CD38: variants seen among roughly 807,000 people sequenced by gnomAD.
The protein encoded by CD38 is CD38 molecule, also known as ADP-ribosyl cyclase/cyclic ADP-ribose hydrolase 1.
A neutral mutation model predicts 36.3 loss-of-function variants in CD38; 31 were observed. The ratio of observed to expected loss-of-function variants is 0.85; its 90% CI spans 0.64 to 1.15. CD38 has a LOEUF of 1.15. CD38 is among the 50% of genes most tolerant of loss of function. The pLI, the probability that CD38 is intolerant of heterozygous loss-of-function variation, is 0.00. For missense variants in CD38, 380 were observed against 371.9 expected (o/e 1.02, Z -0.18); for synonymous variants, 131 against 135.2 (o/e 0.97, Z 0.22).
At chr4:15,816,408 A>G (rs1723594624) in intron 1 of CD38, 103 bp from the exon 2 acceptor site, 2 of 934,100 alleles carry the variant, frequency 2.1e-6, no homozygotes, top group African/African-American at 3.3e-5. Flanking sequence ...ACTACCTGGC[A>G]TATAATAGAT....
intron 2 of CD38, among the ~76,000 whole-genome samples, chr4:15,820,666 C>CATATATATTT (rs1397800046): frequency 2.6e-5 from 4 of 151,974 alleles, no homozygotes; most frequent in Non-Finnish European, 5.9e-5. Context: ...GTGCCCAATA[C>CATATATATTT]AGGAACACCG....
At chr4:15,826,432 T>G (rs1723846539) in intron 3 of CD38, among the ~76,000 whole-genome samples, 1 of 151,118 alleles carries the variant, frequency 6.6e-6, no homozygotes, top group African/African-American at 2.4e-5. Flanking sequence ...TGCTATTATG[T>G]CATTATTGTA....
intron 3 of CD38, among the ~76,000 whole-genome samples, chr4:15,829,248 A>G (rs1723913494): frequency 6.6e-6 from 1 of 152,088 alleles, no homozygotes; most frequent in Admixed American, 6.6e-5. Context: ...TGCATACATA[A>G]TAGGTGTATA....
chr4:15,820,238 A>G (rs1723703090), intron 2 of CD38, among the ~76,000 whole-genome samples: 1 of 152,220 alleles, frequency 6.6e-6, no homozygotes, highest in South Asian at 2.1e-4. Context: ...CACTACAGAA[A>G]CACACCGAAG....
chr4:15,798,550 G>C (rs1055356247), intron 1 of CD38, among the ~76,000 whole-genome samples: 1 of 152,212 alleles, frequency 6.6e-6, no homozygotes, highest in African/African-American at 2.4e-5. Flanking sequence ...GTGAGAATTT[G>C]ATATTTTGAA....
intron 1 of CD38, among the ~76,000 whole-genome samples, chr4:15,809,932 G>T (rs1024709926): frequency 6.6e-6 from 1 of 151,974 alleles, no homozygotes; most frequent in African/African-American, 2.4e-5. Flanking sequence ...AAATTGACTC[G>T]CACAACCAAG....
Position 15,851,310 on chromosome 4 carries a change from T to C in CD38, c.*2708T>C, listed in dbSNP as rs908276373. 6.6e-6 allele frequency: 1 copy of C among 152,210 alleles called. No individual in the cohort carries two copies. The highest frequency in any genetic ancestry group is 2.4e-5 in the African/African-American group (1 of 41,440). The allele number at this position is 152,210 out of a possible 1,614,324, so 9.4% of individuals were successfully genotyped here. ...ATAAATACCCCCTCACAATATATAT[T>C]ACTTTTCCTATAAGTGACTTCTCTA... On this transcript the variant is annotated 3_prime_UTR_variant, in exon 8 of 8. Coordinates refer to ENST00000226279, the MANE Select transcript of CD38 (RefSeq NM_001775.4).
chr4:15,806,706 A>C (rs1445573267), intron 1 of CD38, among the ~76,000 whole-genome samples: 1 of 152,116 alleles, frequency 6.6e-6, no homozygotes, highest in Non-Finnish European at 1.5e-5. Context: ...GGTGAGTGAG[A>C]GGTCTGGGAT....
intron 1 of CD38, among the ~76,000 whole-genome samples, chr4:15,801,950 A>G (rs891764562): frequency 5.3e-5 from 8 of 152,292 alleles, no homozygotes; most frequent in Non-Finnish European, 1.2e-4. Flanking sequence ...AGCCAGAGCA[A>G]TTAGGCAACA....
chr4:15,785,357 A>G (rs184678239), intron 1 of CD38, among the ~76,000 whole-genome samples: 26 of 152,268 alleles, frequency 1.7e-4, no homozygotes, highest in Admixed American at 1.4e-3. Context: ...GAAACAACAG[A>G]TATCAGGAGA....
intron 3 of CD38, chr4:15,826,063 TC>T (rs1274451188): frequency 6.6e-6 from 1 of 152,104 alleles, no homozygotes; most frequent in Non-Finnish European, 1.5e-5. Flanking sequence ...TATTATAGCT[TC>T]TTTGTCCCAG....
chr4:15,802,912 A>G (rs1227018088), intron 1 of CD38, among the ~76,000 whole-genome samples: 1 of 152,216 alleles, frequency 6.6e-6, no homozygotes, highest in Non-Finnish European at 1.5e-5. Context: ...ATATAATACT[A>G]TAGTAAAACA....
chr4:15,784,052 G>A (rs930802351), intron 1 of CD38, among the ~76,000 whole-genome samples: 11 of 152,188 alleles, frequency 7.2e-5, no homozygotes, highest in Admixed American at 5.9e-4. Flanking sequence ...ACCAACCTGG[G>A]AACAGAGCAA....
chr4:15,834,902 TAAA>T (rs765451203), intron 4 of CD38, among the ~76,000 whole-genome samples: 6 of 152,046 alleles, frequency 3.9e-5, no homozygotes, highest in Middle Eastern at 3.2e-3. Context: ...CTATTTTTTT[TAAA>T]AAAATTGATA....
chr4:15,809,545 G>T (rs766247949), intron 1 of CD38, among the ~76,000 whole-genome samples: 75 of 152,326 alleles, frequency 4.9e-4, no homozygotes, highest in South Asian at 1.2e-3. Context: ...GGGTCTGAAA[G>T]CAGGCACTGC....
chr4:15,807,996 A>C (rs1723380140), intron 1 of CD38, among the ~76,000 whole-genome samples: 1 of 152,158 alleles, frequency 6.6e-6, no homozygotes, highest in Admixed American at 6.5e-5. Flanking sequence ...TCTGGGCCTG[A>C]AAGCATATGT....
At chr4:15,815,204 GC>G (rs1452854969) in intron 1 of CD38, among the ~76,000 whole-genome samples, 1 of 152,142 alleles carries the variant, frequency 6.6e-6, no homozygotes, top group Non-Finnish European at 1.5e-5. Flanking sequence ...GTAACGTGAT[GC>G]CTCCAACTTC....
chr4:15,791,060 C>T (rs1577636196), intron 1 of CD38, among the ~76,000 whole-genome samples: 1 of 134,778 alleles, frequency 7.4e-6, no homozygotes, highest in Non-Finnish European at 1.6e-5. Flanking sequence ...GGGGTCAGCC[C>T]CCCGCCCGGC....
chr4:15,807,397 C>A (rs375967617), intron 1 of CD38, among the ~76,000 whole-genome samples: 3 of 152,278 alleles, frequency 2.0e-5, no homozygotes, highest in East Asian at 1.9e-4. Context: ...GGTTTGGATG[C>A]TATTTTTGCT....
Sources: gnomAD v4.1 joint callset for allele counts (sites outside exome capture counted in the v4.1 genomes callset) on GRCh38, gnomAD v4.1.1 for gene constraint, MANE v1.5 for transcripts, NCBI Gene and HGNC (gene_info 2026-07-23, HGNC 2026-07-21) for gene names.